The following ATP7A variants were observed in gnomAD, a reference collection of about 807,000 sequenced individuals.
ATP7A encodes the protein ATPase copper transporting alpha.
In ATP7A, 7 loss-of-function variants were observed where a neutral mutation model predicts 83.5. The observed-to-expected ratio is 0.08, with a 90% CI of 0.05 to 0.16. ATP7A has a LOEUF of 0.16. Ranked by LOEUF, ATP7A falls within the 10% of genes least tolerant of loss-of-function variation. The probability of loss-of-function intolerance (pLI) is 1.00; values close to 1 mark genes in which losing one functional copy is unlikely to be tolerated. For missense variants in ATP7A, 940 were observed against 1,120.8 expected, an observed-to-expected ratio of 0.84 and a Z score of 2.30; for synonymous variants, 354 against 395.2, an observed-to-expected ratio of 0.90 and a Z score of 1.24.
intron 1 of ATP7A, chrX:77,964,204 T>A (rs782720538): frequency 8.9e-6 from 1 of 112,133 alleles, no homozygotes; most frequent in African/African-American, 3.2e-5. Context: ...TTCTGTATCT[T>A]ATGTCGCTTT....
intron 14 of ATP7A, among the ~76,000 whole-genome samples, chrX:78,021,611 G>A (rs1445856442): frequency 9.0e-6 from 1 of 111,584 alleles, no homozygotes; most frequent in East Asian, 2.8e-4. Flanking sequence ...GCTGTCTATG[G>A]TGTTGTAAAG....
At chrX:77,944,508 C>G (rs1216183618) in intron 1 of ATP7A, among the ~76,000 whole-genome samples, 3 of 111,210 alleles carry the variant, frequency 2.7e-5, no homozygotes, top group Non-Finnish European at 5.6e-5. Flanking sequence ...ATGATCATAG[C>G]TCACCGTAAC....
In ATP7A at chrX:78,046,870, ATT is replaced by A. The variant is rs200579535; in HGVS notation, c.*309_*310del. ...AGATTGCTGAACTGCTGCTAAAGTGATTTTTTTTTTATTTGACCAAAAAAAAA... is the reference window on the plus strand; with the variant it reads ...AGATTGCTGAACTGCTGCTAAAGTGATTTTTTTTATTTGACCAAAAAAAAA... On this transcript the variant is annotated 3_prime_UTR_variant, in exon 23 of 23. Coordinates refer to ENST00000341514, the MANE Select transcript of ATP7A (RefSeq NM_000052.7). 1.2e-5 allele frequency: 2 copies of A among 169,555 alleles called. No homozygotes were observed. The highest frequency in any genetic ancestry group is 2.1e-5 in the Non-Finnish European group (2 of 96,339). The allele number at this position is 169,555 out of a possible 1,213,427, so 14.0% of individuals were successfully genotyped here. A position where few individuals can be genotyped will look rare whatever the true frequency, so the allele number is the denominator to read the frequency against.
intron 1 of ATP7A, among the ~76,000 whole-genome samples, chrX:77,920,581 G>A (rs1407105262): frequency 1.8e-5 from 2 of 110,875 alleles, no homozygotes; most frequent in Admixed American, 9.7e-5. Context: ...TCTGGTCTGC[G>A]TTAGTTTGCT....
chrX:77,956,085 T>C (rs1358791882), intron 1 of ATP7A, among the ~76,000 whole-genome samples: 1 of 111,568 alleles, frequency 9.0e-6, no homozygotes, highest in Admixed American at 9.6e-5. Context: ...CTATTGCAAA[T>C]ACTGCTGCAA....
chrX:77,927,315 TTACA>T (rs2077247054), intron 1 of ATP7A, among the ~76,000 whole-genome samples: 2 of 111,803 alleles, frequency 1.8e-5, no homozygotes, highest in African/African-American at 3.2e-5. Context: ...GTTTTTTCTC[TTACA>T]TACACATTCT....
intron 4 of ATP7A, among the ~76,000 whole-genome samples, chrX:77,996,171 AATAG>A (rs1478174541): frequency 8.0e-5 from 9 of 112,470 alleles, no homozygotes; most frequent in African/African-American, 2.6e-4. Flanking sequence ...ATTCTCTCTT[AATAG>A]ATAGATATAC....
chrX:77,998,438 T>C, intron 4 of ATP7A, 40 bp from the exon 5 acceptor site: 1 of 1,165,345 alleles, frequency 8.6e-7, no homozygotes, highest in Non-Finnish European at 1.2e-6. Flanking sequence ...AATTGAATGA[T>C]CAATACTGCA....
rs1557238691 is a variant in ATP7A at position 78,043,401 on chromosome X, A to T, written c.4090A>T (p.Ile1364Phe). 1 of 1,208,873 alleles carries T rather than the reference A, an allele frequency of 8.3e-7. No individual in the cohort carries two copies. Among genetic ancestry groups the T allele is most frequent in the Non-Finnish European group, 1.1e-6 (1 of 893,223 alleles). Reference sequence around the variant, plus strand: ...TCGGATAAATTTTGTCTTTGCTCTAATTTATAATCTGGTTGGAATTCCCAT... The same window carrying T: ...TCGGATAAATTTTGTCTTTGCTCTATTTTATAATCTGGTTGGAATTCCCAT... ...RIRINFVFALIYNLVGIPIAA... is the reference protein window; with the variant it reads ...RIRINFVFALFYNLVGIPIAA... Residue 1364 changes from isoleucine to phenylalanine, a missense_variant, in exon 21 of 23, where the codon ATT (isoleucine) becomes TTT (phenylalanine). By Grantham distance (21) the Ile-to-Phe change is conservative. This residue lies in a region of ATP7A where 386 missense variants were observed against 502.2 expected (regional missense o/e 0.77). Coordinates refer to ENST00000341514, the MANE Select transcript of ATP7A (RefSeq NM_000052.7).
chrX:77,949,043 C>T (rs2077399313), intron 1 of ATP7A, among the ~76,000 whole-genome samples: 1 of 110,624 alleles, frequency 9.0e-6, no homozygotes, highest in African/African-American at 3.3e-5. Flanking sequence ...AGACGCATGC[C>T]GCCACACTCA....
At chrX:77,923,367 A>G (rs1285829470) in intron 1 of ATP7A, 1 of 110,879 alleles carries the variant, frequency 9.0e-6, no homozygotes, top group Non-Finnish European at 1.9e-5. Context: ...TATACTGCCC[A>G]TGCTCTTTCC....
At chrX:78,044,664 A>C (rs988696001) in intron 21 of ATP7A, among the ~76,000 whole-genome samples, 1 of 112,054 alleles carries the variant, frequency 8.9e-6, no homozygotes, top group Non-Finnish European at 1.9e-5. Context: ...TTGAGAGACC[A>C]GATGACAGAG....
intron 1 of ATP7A, among the ~76,000 whole-genome samples, chrX:77,926,376 C>T (rs782387303): frequency 1.8e-5 from 2 of 111,887 alleles, no homozygotes; most frequent in South Asian, 3.8e-4. Context: ...CTCATTCTGT[C>T]GCCCAGGCAG....
At chrX:77,982,953 C>A (rs1338951099) in intron 2 of ATP7A, among the ~76,000 whole-genome samples, 2 of 111,992 alleles carry the variant, frequency 1.8e-5, no homozygotes, top group African/African-American at 6.5e-5. Context: ...AAGGTGCTGG[C>A]AAATTTGATG....
rs782621926 is a variant in ATP7A, at chrX:78,049,541, G to C, written c.*2971G>C. The C allele has an allele frequency of 8.9e-6, 1 of 112,470 alleles. No individual in the cohort carries two copies. The highest frequency in any genetic ancestry group is 1.9e-5 in the Non-Finnish European group (1 of 53,200). 9.3% of individuals were successfully genotyped at this position (112,470 alleles called of 1,213,427 possible). On this transcript the variant is annotated 3_prime_UTR_variant, in exon 23 of 23. Coordinates refer to ENST00000341514, the MANE Select transcript of ATP7A (RefSeq NM_000052.7). ...AATTTCAAAGATTAAAACACAGCTA[G>C]AGTAGTAGTATTGTAGTCTCAAGAT...
At position 78,020,973 on chromosome X, in the gene ATP7A, T is replaced by C. The variant is rs782382445; in HGVS notation, c.2810T>C (p.Leu937Pro). ...CCTATCCAGCAGTTTGCAGACAAACTCAGTGGCTATTTTGTTCCTTTTATT... is the reference window on the plus strand; with the variant it reads ...CCTATCCAGCAGTTTGCAGACAAACCCAGTGGCTATTTTGTTCCTTTTATT... ...KAPIQQFADK[L>P]SGYFVPFIVF... The change falls in exon 14 of 23, where the codon CTC becomes CCC. Residue 937 changes from leucine to proline, a missense_variant. Transcript: ENST00000341514. The C allele has an allele frequency of 8.3e-7, 1 of 1,207,107 alleles. No homozygotes were observed. Among genetic ancestry groups the C allele is most frequent in the Non-Finnish European group, 1.1e-6 (1 of 891,351 alleles).
intron 15 of ATP7A, among the ~76,000 whole-genome samples, chrX:78,030,163 C>T (rs782174721): frequency 6.0e-4 from 67 of 112,452 alleles, no homozygotes; most frequent in African/African-American, 2.1e-3. Flanking sequence ...CAGTGGCTCA[C>T]GCCTGTAATC....
chrX:78,031,110 C>T (rs2149105948), intron 15 of ATP7A, among the ~76,000 whole-genome samples: 1 of 111,783 alleles, frequency 8.9e-6, no homozygotes, highest in African/African-American at 3.2e-5. Context: ...CTCTTAATTA[C>T]CTATTAACAG....
intron 2 of ATP7A, among the ~76,000 whole-genome samples, chrX:77,975,352 T>G (rs940291715): frequency 6.3e-5 from 7 of 110,683 alleles, no homozygotes; most frequent in Non-Finnish European, 1.3e-4. Flanking sequence ...TTTGAACATA[T>G]TTTTTTCTCA....
Sources: gnomAD v4.1 joint callset for allele counts (sites outside exome capture counted in the v4.1 genomes callset) on GRCh38, gnomAD v4.1.1 for gene constraint, gnomAD v4.1.1 regional missense constraint, MANE v1.5 for transcripts, NCBI Gene and HGNC (gene_info 2026-07-23, HGNC 2026-07-21) for gene names.